CNTNAP3B: variants seen among roughly 807,000 people sequenced by gnomAD.
CNTNAP3B encodes the protein contactin associated protein family member 3B.
A neutral mutation model predicts 108.9 loss-of-function variants in CNTNAP3B; 25 were observed. The ratio of observed to expected loss-of-function variants is 0.23; its 90% CI spans 0.17 to 0.32. The LOEUF is 0.32. Among genes scored for constraint, CNTNAP3B ranks in the 10% least tolerant of loss-of-function variants. CNTNAP3B has a pLI of 1.00. For synonymous variants in CNTNAP3B, 103 were observed against 473.4 expected, an observed-to-expected ratio of 0.22 and a Z score of 10.16; for missense variants, 252 against 1,210.4, an observed-to-expected ratio of 0.21 and a Z score of 11.75.
chr9:41,926,650 T>C (rs1344684267), intron 15 of CNTNAP3B: 2 of 152,368 alleles, frequency 1.3e-5, no homozygotes, highest in Non-Finnish European at 2.9e-5. Context: ...AGAGACAAGG[T>C]CTTACCATCT....
chr9:42,056,307 T>A (rs1173211674), intron 3 of CNTNAP3B, among the ~76,000 whole-genome samples: 1 of 130,102 alleles, frequency 7.7e-6, no homozygotes, highest in African/African-American at 3.1e-5. Flanking sequence ...TAAACAAGGT[T>A]GAATATTATC....
chr9:41,952,145 A>G (rs1325597924), intron 13 of CNTNAP3B, among the ~76,000 whole-genome samples: 2 of 152,280 alleles, frequency 1.3e-5, no homozygotes, highest in African/African-American at 2.4e-5. Context: ...CAATGCAGGT[A>G]TGGGTTAGTG....
At chr9:41,988,238 A>ATTTTTTT (rs1209677991) in intron 8 of CNTNAP3B, among the ~76,000 whole-genome samples, 2 of 25,886 alleles carry the variant, frequency 7.7e-5, no homozygotes, top group African/African-American at 1.2e-4. Context: ...CCTTCTTTGA[A>ATTTTTTT]TTTTTTTTTT....
chr9:41,977,665 T>A (rs1262309610), intron 9 of CNTNAP3B, among the ~76,000 whole-genome samples: 3 of 132,238 alleles, frequency 2.3e-5, no homozygotes, highest in South Asian at 5.0e-4. Context: ...TCACCCAGGC[T>A]GGAGTGCAGT....
At chr9:42,076,190 G>A (rs1391486804) in intron 3 of CNTNAP3B, among the ~76,000 whole-genome samples, 1 of 70,744 alleles carries the variant, frequency 1.4e-5, no homozygotes, top group African/African-American at 5.9e-5. Flanking sequence ...CAAGATGGGT[G>A]GATGACCTGA....
chr9:42,077,756 G>T (rs1214472876), intron 2 of CNTNAP3B, among the ~76,000 whole-genome samples: 1 of 106,534 alleles, frequency 9.4e-6, no homozygotes, highest in South Asian at 3.2e-4. Context: ...CTCACACAGC[G>T]CTCATCCACC....
At position 42,119,331 on chromosome 9, in the gene CNTNAP3B, G is replaced by T. The variant is rs1291708208; in HGVS notation, c.85+9679C>A. On this transcript the variant is annotated intron_variant, in intron 1 of 23. Coordinates refer to ENST00000377561, the MANE Select transcript of CNTNAP3B (RefSeq NM_001201380.3). ...ACCACTGCTCAATGAAATAAAAGAG[G>T]ATACAAACAAATGGAAGAACATTCC... Among the ~76,000 whole-genome samples, 2 of 130,620 alleles carry T rather than the reference G, an allele frequency of 1.5e-5. 1 individual carries two copies. Among genetic ancestry groups the T allele is most frequent in the Non-Finnish European group, 3.2e-5 (2 of 62,410 alleles). The allele number at this position is 130,620 out of a possible 152,430, so 85.7% of individuals were successfully genotyped here. A position where few individuals can be genotyped will look rare whatever the true frequency, so the allele number is the denominator to read the frequency against.
intron 14 of CNTNAP3B, among the ~76,000 whole-genome samples, chr9:41,933,248 T>C (rs1301639860): frequency 2.0e-5 from 3 of 152,294 alleles, no homozygotes; most frequent in African/African-American, 7.2e-5. Flanking sequence ...TCCTGTGCAC[T>C]GTAGGATGCT....
At chr9:41,917,984 G>A (rs1225289685) in intron 18 of CNTNAP3B, among the ~76,000 whole-genome samples, 2 of 152,418 alleles carry the variant, frequency 1.3e-5, no homozygotes, top group African/African-American at 2.4e-5. Context: ...ATTAATAAAT[G>A]TTTCTTCATT....
chr9:41,953,271 C>T lies in CNTNAP3B; in HGVS notation c.1992G>A (p.Gly664=), dbSNP rs767276270. The T allele has an allele frequency of 2.0e-6, 3 of 1,527,478 alleles. No individual in the cohort carries two copies. Among genetic ancestry groups the T allele is most frequent in the Non-Finnish European group, 2.6e-6 (3 of 1,145,156 alleles). 94.6% of individuals were successfully genotyped at this position (1,527,478 alleles called of 1,614,324 possible). ...CCAGGTTCACCGCGGCCCGCAGCTG[C>T]CCCGCGCCCGCTGCGTACGCGAAGG... The part of the protein sequence containing the change: ...AVSFAYAAGA[G]QLRAAVNLAE... Residue 664 remains glycine, a synonymous_variant, in exon 13 of 24, where the codon GGG becomes GGA. Coordinates refer to ENST00000377561, the MANE Select transcript of CNTNAP3B (RefSeq NM_001201380.3).
chr9:42,089,910 A>C (rs1157641384), intron 2 of CNTNAP3B, among the ~76,000 whole-genome samples: 3 of 139,526 alleles, frequency 2.2e-5, no homozygotes, highest in Non-Finnish European at 4.6e-5. Flanking sequence ...GTGAGAGTTC[A>C]TGGTTTTCAA....
At chr9:41,939,319 T>C (rs974219752) in intron 13 of CNTNAP3B, among the ~76,000 whole-genome samples, 1 of 152,310 alleles carries the variant, frequency 6.6e-6, no homozygotes, top group Non-Finnish European at 1.5e-5. Flanking sequence ...TTTTTAAACA[T>C]GCTTGATCAT....
chr9:42,103,533 C>T (rs28570587), intron 2 of CNTNAP3B, among the ~76,000 whole-genome samples: 2 of 118,962 alleles, frequency 1.7e-5, no homozygotes, highest in Admixed American at 1.7e-4. Context: ...ACCACCTTGG[C>T]TAACATGGTG....
chr9:41,939,547 G>A (rs1340870277), intron 13 of CNTNAP3B, among the ~76,000 whole-genome samples: 2 of 152,286 alleles, frequency 1.3e-5, no homozygotes, highest in Admixed American at 6.5e-5. Context: ...AATTTAAAGA[G>A]GGATTAGTAC....
intron 7 of CNTNAP3B, among the ~76,000 whole-genome samples, chr9:41,992,439 A>G: frequency 6.8e-6 from 1 of 146,702 alleles, no homozygotes; most frequent in Non-Finnish European, 1.5e-5. Flanking sequence ...AGTTATATAC[A>G]ATGTTTGCAT....
chr9:42,127,524 G>A lies in CNTNAP3B; in HGVS notation c.85+1486C>T, dbSNP rs926166504. Reference sequence around the variant, plus strand: ...CTAGTGACTTATTTTGTTGTATTTTGCCAGTTGATTGGTCAATTACTCTAG... The same window carrying A: ...CTAGTGACTTATTTTGTTGTATTTTACCAGTTGATTGGTCAATTACTCTAG... On this transcript the variant is annotated intron_variant, in intron 1 of 23. Coordinates refer to ENST00000377561, the MANE Select transcript of CNTNAP3B (RefSeq NM_001201380.3). 1.6e-4 allele frequency among the ~76,000 whole-genome samples: 22 copies of A among 139,424 alleles called. 3 individuals carry two copies. 91.5% of individuals were successfully genotyped at this position (139,424 alleles called of 152,430 possible). A position where few individuals can be genotyped will look rare whatever the true frequency, so the allele number is the denominator to read the frequency against.
chr9:41,973,108 T>G (rs1402477752), intron 9 of CNTNAP3B, among the ~76,000 whole-genome samples: 2 of 141,812 alleles, frequency 1.4e-5, no homozygotes, highest in African/African-American at 5.5e-5. Flanking sequence ...CTGCTAATTT[T>G]TTTTTTTTGT....
intron 18 of CNTNAP3B, among the ~76,000 whole-genome samples, chr9:41,918,553 C>T (rs1274428034): frequency 7.0e-6 from 1 of 143,800 alleles, no homozygotes; most frequent in Non-Finnish European, 1.5e-5. Context: ...TTTCCATTTC[C>T]ATAAAATATA....
At chr9:42,080,288 A>C (rs1206590633) in intron 2 of CNTNAP3B, among the ~76,000 whole-genome samples, 1 of 136,022 alleles carries the variant, frequency 7.4e-6, no homozygotes, top group Non-Finnish European at 1.6e-5. Flanking sequence ...CCTTTGATGA[A>C]GTAGTACTTA....
Sources: gnomAD v4.1 joint callset for allele counts (sites outside exome capture counted in the v4.1 genomes callset) on GRCh38, gnomAD v4.1.1 for gene constraint, MANE v1.5 for transcripts, NCBI Gene and HGNC (gene_info 2026-07-23, HGNC 2026-07-21) for gene names.